Variants in GRM7 observed in about 807,000 individuals in gnomAD.
GRM7 encodes the protein metabotropic glutamate receptor 7.
A neutral mutation model predicts 84.5 loss-of-function variants in GRM7; 35 were observed. That is an observed-to-expected ratio of 0.41 (90% CI 0.32 to 0.55). The LOEUF (loss-of-function observed/expected upper bound fraction) is 0.55, where lower values mean the gene tolerates loss of function less well. Ranked by LOEUF, GRM7 falls within the 20% of genes least tolerant of loss-of-function variation. The pLI is 0.19. For missense variants in GRM7, 1,003 were observed against 1,194.6 expected (o/e 0.84, Z 2.36); for synonymous variants, 487 against 455.1 (o/e 1.07, Z -0.89).
intron 1 of GRM7, among the ~76,000 whole-genome samples, chr3:7,040,815 G>T (rs967885605): frequency 6.6e-6 from 1 of 151,842 alleles, no homozygotes; most frequent in East Asian, 2.0e-4. Flanking sequence ...AGGTGCAGTG[G>T]CTCATGCCTG....
At chr3:7,148,225 T>G (rs1416319162) in intron 2 of GRM7, among the ~76,000 whole-genome samples, 4 of 152,208 alleles carry the variant, frequency 2.6e-5, no homozygotes, top group Admixed American at 2.0e-4. Context: ...TCTTTGTTTT[T>G]CTGAATCCTG....
intron 2 of GRM7, among the ~76,000 whole-genome samples, chr3:7,275,857 T>G (rs574940871): frequency 1.7e-4 from 26 of 152,196 alleles, no homozygotes; most frequent in Non-Finnish European, 3.5e-4. Context: ...TGTGGGCATA[T>G]AGCAAGGCCC....
At chr3:7,528,655 C>G (rs1247170759) in intron 7 of GRM7, among the ~76,000 whole-genome samples, 1 of 152,034 alleles carries the variant, frequency 6.6e-6, no homozygotes, top group African/African-American at 2.4e-5. Flanking sequence ...GCATTTAGCA[C>G]TATAAACTTT....
intron 1 of GRM7, among the ~76,000 whole-genome samples, chr3:7,087,976 G>C (rs1648264586): frequency 6.6e-6 from 1 of 152,202 alleles, no homozygotes; most frequent in South Asian, 2.1e-4. Context: ...AGACAGGCCT[G>C]GGTTTTCTAC....
At chr3:7,492,729 T>C (rs1699566933) in intron 7 of GRM7, among the ~76,000 whole-genome samples, 1 of 152,076 alleles carries the variant, frequency 6.6e-6, no homozygotes, top group East Asian at 1.9e-4. Context: ...TTCTGTGTGC[T>C]TTGGGTTTAT....
At chr3:6,990,577 G>A (rs768300777) in intron 1 of GRM7, among the ~76,000 whole-genome samples, 2 of 152,168 alleles carry the variant, frequency 1.3e-5, no homozygotes, top group Admixed American at 6.5e-5. Flanking sequence ...CTTGGGGTGA[G>A]ATGTCTCTGA....
intron 1 of GRM7, among the ~76,000 whole-genome samples, chr3:7,099,936 T>G (rs1699051600): frequency 6.8e-6 from 1 of 147,692 alleles, no homozygotes; most frequent in Non-Finnish European, 1.5e-5. Context: ...ATATATATTA[T>G]GATATACATT....
intron 2 of GRM7, among the ~76,000 whole-genome samples, chr3:7,237,110 G>A (rs1473913948): frequency 6.6e-6 from 1 of 152,060 alleles, no homozygotes. Context: ...TCATTCACAG[G>A]TAAAAAAACT....
intron 4 of GRM7, among the ~76,000 whole-genome samples, chr3:7,384,739 C>T (rs970490769): frequency 6.6e-6 from 1 of 152,046 alleles, no homozygotes; most frequent in Non-Finnish European, 1.5e-5. Context: ...GCTATCAAGT[C>T]GAATACAGCA....
At chr3:7,677,052 G>T (rs910292080) in intron 8 of GRM7, among the ~76,000 whole-genome samples, 4 of 151,944 alleles carry the variant, frequency 2.6e-5, no homozygotes, top group Admixed American at 1.3e-4. Flanking sequence ...ACGAGGTCAG[G>T]AGATCAAGAC....
intron 1 of GRM7, among the ~76,000 whole-genome samples, chr3:6,961,336 C>T (rs2125082265): frequency 6.6e-6 from 1 of 152,312 alleles, no homozygotes; most frequent in Admixed American, 6.5e-5. Context: ...AACTGCTACT[C>T]TTCTTGTCAT....
chr3:7,709,766 T>G (rs913038188), intron 9 of GRM7, among the ~76,000 whole-genome samples: 3 of 152,202 alleles, frequency 2.0e-5, no homozygotes, highest in Non-Finnish European at 2.9e-5. Flanking sequence ...AACTTGTGTT[T>G]CTGGAGTTGG....
At chr3:7,332,432 C>T (rs902977092) in intron 4 of GRM7, among the ~76,000 whole-genome samples, 1 of 152,126 alleles carries the variant, frequency 6.6e-6, no homozygotes, top group African/African-American at 2.4e-5. Flanking sequence ...AATATATTCA[C>T]CATATCAAAT....
intron 7 of GRM7, among the ~76,000 whole-genome samples, chr3:7,487,810 G>A (rs928001419): frequency 6.6e-6 from 1 of 152,226 alleles, no homozygotes; most frequent in African/African-American, 2.4e-5. Flanking sequence ...GAATGGATAT[G>A]TGAGGCTGAA....
chr3:7,701,381 A>T (rs1701222245), intron 9 of GRM7, among the ~76,000 whole-genome samples: 1 of 150,006 alleles, frequency 6.7e-6, no homozygotes, highest in East Asian at 2.0e-4. Context: ...GCTCACTACA[A>T]GCTCCGTCTC....
At chr3:7,136,738 A>G (rs1574949223) in intron 1 of GRM7, among the ~76,000 whole-genome samples, 1 of 152,058 alleles carries the variant, frequency 6.6e-6, no homozygotes, top group Non-Finnish European at 1.5e-5. Flanking sequence ...TGGCATGCCC[A>G]TTTCTTCAAT....
chr3:7,579,370 G>A lies in GRM7; in HGVS notation c.2451+13G>A. On this transcript the variant is annotated intron_variant, in intron 8 of 9. Coordinates refer to ENST00000357716, the MANE Select transcript of GRM7 (RefSeq NM_000844.4). ...ATCAGCGGAAAAGGTAAGTGAAAAT[G>A]CACATCATAATATGTTTTTTAAAAA... is the stretch of plus-strand genomic sequence containing the variant. 2 of 1,433,210 alleles carry A rather than the reference G, an allele frequency of 1.4e-6. No homozygotes were observed. The highest frequency in any genetic ancestry group is 9.5e-7 in the Non-Finnish European group (1 of 1,051,618). 88.8% of individuals were successfully genotyped at this position (1,433,210 alleles called of 1,614,324 possible).
At chr3:7,691,130 T>G (rs1385215976) in intron 9 of GRM7, 1 of 467,336 alleles carries the variant, frequency 2.1e-6, no homozygotes, top group Non-Finnish European at 4.1e-6. Flanking sequence ...CTCTCTATGA[T>G]CTAAATGACT....
intron 2 of GRM7, among the ~76,000 whole-genome samples, chr3:7,253,926 G>A (rs537032981): frequency 1.3e-5 from 2 of 152,292 alleles, no homozygotes; most frequent in East Asian, 1.9e-4. Flanking sequence ...TAGTGCTGCC[G>A]AGTGTAAGGA....
Sources: allele counts gnomAD v4.1 joint callset (sites outside exome capture counted in the v4.1 genomes callset), GRCh38; gene constraint gnomAD v4.1.1; transcripts MANE v1.5; gene names NCBI Gene and HGNC (gene_info 2026-07-23, HGNC 2026-07-21).